The following WDR26 variants were observed in gnomAD, a reference collection of about 807,000 sequenced individuals.
WDR26 encodes the protein WD repeat-containing protein 26.
Under a neutral mutation model 84.1 loss-of-function variants are expected in WDR26, and 5 were observed. That is an observed-to-expected ratio of 0.06 (90% CI 0.03 to 0.13). WDR26 has a LOEUF of 0.13. WDR26 is among the 10% of genes least tolerant of loss of function. WDR26 has a pLI of 1.00. For missense variants in WDR26, 642 were observed against 974.9 expected (o/e 0.66, Z 4.55); for synonymous variants, 415 against 389.6 (o/e 1.07, Z -0.77).
Position 224,386,411 on chromosome 1 carries a change from T to A in WDR26, c.*3424A>T, listed in dbSNP as rs1425959837. ...TCTTCTACTGTGAAAGAAACTGACA[T>A]GGATATTTTCCCTTTCAAGAGATGT... On this transcript the variant is annotated 3_prime_UTR_variant, in exon 14 of 14. Coordinates refer to ENST00000414423, the MANE Select transcript of WDR26 (RefSeq NM_001379403.1). 2 of 152,610 alleles carry A rather than the reference T, an allele frequency of 1.3e-5. No homozygotes were observed. The highest frequency in any genetic ancestry group is 2.4e-5 in the African/African-American group (1 of 41,446). 9.5% of individuals were successfully genotyped at this position (152,610 alleles called of 1,614,324 possible).
At chr1:224,391,377 A>C (rs561905571) in intron 13 of WDR26, among the ~76,000 whole-genome samples, 1,858 of 109,016 alleles carry the variant, frequency 0.017, 43 homozygotes, top group African/African-American at 0.064. Flanking sequence ...AAAAAAAAAA[A>C]AAAAAACAAA....
rs146517662 is a variant in WDR26, at chr1:224,414,500, T to C, written c.1320-2935A>G. On this transcript the variant is annotated intron_variant, in intron 6 of 13. Coordinates refer to ENST00000414423, the MANE Select transcript of WDR26 (RefSeq NM_001379403.1). ...TTAATCAGAATAATTTTAATCAGAA[T>C]AATTCATTTATTCATAATTCTTTAT... 5.0e-4 allele frequency among the ~76,000 whole-genome samples: 76 copies of C among 152,336 alleles called. 2 individuals carry two copies. In the East Asian group the frequency reaches 0.013, roughly 25 times the overall value.
At chr1:224,415,311 C>T (rs1429612234) in intron 6 of WDR26, among the ~76,000 whole-genome samples, 1 of 151,498 alleles carries the variant, frequency 6.6e-6, no homozygotes, top group African/African-American at 2.4e-5. Context: ...GTTTAATGTA[C>T]TTGAGAACCC....
chr1:224,417,455 AG>A (rs1673937116), intron 6 of WDR26, among the ~76,000 whole-genome samples: 1 of 152,234 alleles, frequency 6.6e-6, no homozygotes. Context: ...CTGTAATCCC[AG>A]TGCTTTGGGA....
chr1:224,398,863 G>C, intron 10 of WDR26, 26 bp downstream of exon 10: 2 of 1,611,238 alleles, frequency 1.2e-6, no homozygotes, highest in East Asian at 2.2e-5. Context: ...GGTAATTGTT[G>C]TTTAATGGAA....
intron 13 of WDR26, among the ~76,000 whole-genome samples, chr1:224,392,549 T>C (rs539104872): frequency 5.9e-5 from 9 of 152,154 alleles, no homozygotes; most frequent in Admixed American, 3.9e-4. Context: ...AGGCCTTTGG[T>C]TGAAACCCAA....
chr1:224,433,651 G>C, intron 1 of WDR26, 33 bp downstream of exon 1: 2 of 1,434,164 alleles, frequency 1.4e-6, no homozygotes, highest in Admixed American at 5.1e-5. Context: ...CCCTCGGTCT[G>C]TCCATCACCA....
rs970573855 is a variant in WDR26, at chr1:224,388,289, C to A, written c.*1546G>T. 6.6e-6 allele frequency: 1 copy of A among 152,158 alleles called. No individual in the cohort carries two copies. 9.4% of individuals were successfully genotyped at this position (152,158 alleles called of 1,614,324 possible). On this transcript the variant is annotated 3_prime_UTR_variant, in exon 14 of 14. Transcript: ENST00000414423. ...ACCTAAAGGGGAACTTAGTACAAGA[C>A]TTTTTCTTCACCAGAATCTTATTTT...
chr1:224,401,119 G>A (rs1673400951), intron 8 of WDR26, 50 bp from the exon 9 acceptor site: 1 of 1,540,684 alleles, frequency 6.5e-7, no homozygotes, highest in East Asian at 2.3e-5. Context: ...CCCCTCTAAA[G>A]GAATTATGTG....
In WDR26 at chr1:224,407,151, A is replaced by AAAATATATATAT; in HGVS notation, c.1459-2582_1459-2581insATATATATATTT. ...AAAAAAAAAAAAAAAAAAAAAAAAA[A>AAAATATATATAT]ATATATATATATATATATATAACTC... On this transcript the variant is annotated intron_variant, in intron 7 of 13. Transcript: ENST00000414423. 5.1e-4 allele frequency among the ~76,000 whole-genome samples: 6 copies of AAAATATATATAT among 11,872 alleles called. No homozygotes were observed. The Admixed American group carries it at 7.7e-3, about 15-fold the overall frequency. 7.8% of individuals were successfully genotyped at this position (11,872 alleles called of 152,430 possible). A position where few individuals can be genotyped will look rare whatever the true frequency, so the allele number is the denominator to read the frequency against.
At chr1:224,415,096 A>G (rs1673855887) in intron 6 of WDR26, among the ~76,000 whole-genome samples, 1 of 152,236 alleles carries the variant, frequency 6.6e-6, no homozygotes, top group Non-Finnish European at 1.5e-5. Context: ...CTCACTCTCA[A>G]GACTGTGTAT....
In WDR26 at chr1:224,398,234, CA is replaced by C; in HGVS notation, c.1945-9del. On this transcript the variant is annotated splice_polypyrimidine_tract_variant and intron_variant, in intron 11 of 13. Transcript: ENST00000414423. ...GTCCCATAAATGAACTCCCTGCAGG[CA>C]AAGGAGAATACAGATATTTAATCTG... is the stretch of plus-strand genomic sequence containing the variant. The C allele has an allele frequency of 6.2e-7, 1 of 1,610,736 alleles. No homozygotes were observed. The highest frequency in any genetic ancestry group is 1.1e-5 in the South Asian group (1 of 90,430).
In WDR26 at chr1:224,424,526, A is replaced by G. The variant is rs1674156947; in HGVS notation, c.1056T>C (p.Val352=). ...GAACTCAGTTTCCTTACCCACTAAG[A>G]ACATGAATGCGCTCTGTATTGTATT... Residue 352 remains valine, a synonymous_variant, in exon 4 of 14, where the codon GTT becomes GTC. Coordinates refer to ENST00000414423, the MANE Select transcript of WDR26 (RefSeq NM_001379403.1). 2 of 1,613,864 alleles carry G rather than the reference A, an allele frequency of 1.2e-6. No homozygotes were observed. The highest frequency in any genetic ancestry group is 1.1e-5 in the South Asian group (1 of 91,076).
At chr1:224,406,452 C>G (rs970160537) in intron 7 of WDR26, among the ~76,000 whole-genome samples, 4 of 152,148 alleles carry the variant, frequency 2.6e-5, no homozygotes, top group Non-Finnish European at 4.4e-5. Flanking sequence ...AAGTTGGGAA[C>G]TAGTCTGATA....
intron 10 of WDR26, 135 bp downstream of exon 10, chr1:224,398,747 TTACTAAG>T: frequency 1.6e-6 from 2 of 1,229,474 alleles, no homozygotes; most frequent in Non-Finnish European, 2.3e-6. Context: ...GAGTTACTGA[TTACTAAG>T]TACCATGTGA....
chr1:224,398,258 C>A lies in WDR26; in HGVS notation c.1945-32G>T. The A allele has an allele frequency of 1.9e-6, 3 of 1,590,418 alleles. No individual in the cohort carries two copies. In the South Asian group the frequency reaches 3.5e-5, roughly 18 times the overall value. On this transcript the variant is annotated intron_variant, in intron 11 of 13. Coordinates refer to ENST00000414423, the MANE Select transcript of WDR26 (RefSeq NM_001379403.1). ...GCAAAGGAGAATACAGATATTTAAT[C>A]TGCCTCAACTCAAACAAATTTTAAA...
At chr1:224,432,401 A>C (rs1232253486) in intron 1 of WDR26, among the ~76,000 whole-genome samples, 1 of 152,216 alleles carries the variant, frequency 6.6e-6, no homozygotes, top group Non-Finnish European at 1.5e-5. Context: ...GCATTTACAA[A>C]ATCTGTTTTC....
At chr1:224,409,935 G>A (rs532834183) in intron 7 of WDR26, among the ~76,000 whole-genome samples, 2 of 151,840 alleles carry the variant, frequency 1.3e-5, no homozygotes, top group East Asian at 3.9e-4. Flanking sequence ...CTCAACACGG[G>A]AGCCCAAAAC....
chr1:224,400,915 C>A (rs761181135), intron 9 of WDR26, 35 bp downstream of exon 9: 1 of 1,602,260 alleles, frequency 6.2e-7, no homozygotes, highest in Non-Finnish European at 8.5e-7. Context: ...GCTTTTAAAC[C>A]AACAGATACT....
Sources: allele counts gnomAD v4.1 joint callset (sites outside exome capture counted in the v4.1 genomes callset), GRCh38; gene constraint gnomAD v4.1.1; transcripts MANE v1.5; gene names NCBI Gene and HGNC (gene_info 2026-07-23, HGNC 2026-07-21).